PDE9A: variants seen among roughly 807,000 people sequenced by gnomAD.
PDE9A encodes the protein high affinity cGMP-specific 3',5'-cyclic phosphodiesterase 9A.
In PDE9A, 60 loss-of-function variants were observed where a neutral mutation model predicts 87.4. The ratio of observed to expected loss-of-function variants is 0.69; its 90% CI spans 0.56 to 0.85. The LOEUF is 0.85. Ranked by LOEUF, PDE9A falls within the 40% of genes least tolerant of loss-of-function variation. The probability of loss-of-function intolerance (pLI) is 0.00; values close to 1 mark genes in which losing one functional copy is unlikely to be tolerated. For synonymous variants in PDE9A, 272 were observed against 279.4 expected (o/e 0.97, Z 0.27); for missense variants, 665 against 779.0 (o/e 0.85, Z 1.74).
intron 1 of PDE9A, among the ~76,000 whole-genome samples, chr21:42,662,188 G>A (rs1243169199): frequency 6.6e-6 from 1 of 152,040 alleles, no homozygotes; most frequent in African/African-American, 2.4e-5. Flanking sequence ...TGGATTTAAG[G>A]CAGTCTAATC....
In PDE9A at chr21:42,668,565, G is replaced by A. The variant is rs376041535; in HGVS notation, c.69+14682G>A. ...ACACTTCCTGTTCTTTTGGTTCGTC[G>A]ATTTTTGCATTTTCAGTCCCCTGTG... On this transcript the variant is annotated intron_variant, in intron 1 of 19. Transcript: ENST00000291539. Among the ~76,000 whole-genome samples the A allele has an allele frequency of 2.6e-5, 4 of 152,114 alleles. No individual in the cohort carries two copies. The East Asian group carries it at 7.7e-4, about 29-fold the overall frequency.
intron 7 of PDE9A, among the ~76,000 whole-genome samples, chr21:42,742,723 C>A (rs1323178512): frequency 6.6e-6 from 1 of 152,100 alleles, no homozygotes; most frequent in Non-Finnish European, 1.5e-5. Flanking sequence ...CCTCAGCCTC[C>A]CAAAGTGCTG....
rs1555934793 is a variant in PDE9A at position 42,740,755 on chromosome 21, G to GATA, written c.569-3021_569-3020insATA. Reference sequence around the variant, plus strand: ...AGATAGATAGATAGATAGATAAACAGGATAGATAGATAGATAGATAGATAG... The same window carrying GATA: ...AGATAGATAGATAGATAGATAAACAGATAGATAGATAGATAGATAGATAGATAG... On this transcript the variant is annotated intron_variant, in intron 7 of 19. Transcript: ENST00000291539. 3.1e-3 allele frequency among the ~76,000 whole-genome samples: 432 copies of GATA among 139,998 alleles called. 2 individuals carry two copies. Among genetic ancestry groups the GATA allele is most frequent in the South Asian group, 4.8e-3 (20 of 4,184 alleles). 91.8% of individuals were successfully genotyped at this position (139,998 alleles called of 152,430 possible).
At chr21:42,730,277 C>T (rs193190369) in intron 4 of PDE9A, among the ~76,000 whole-genome samples, 51 of 152,288 alleles carry the variant, frequency 3.3e-4, no homozygotes, top group Middle Eastern at 3.4e-3. Flanking sequence ...GACATTTTTA[C>T]GCTTGTACCT....
chr21:42,675,579 C>T lies in PDE9A; in HGVS notation c.70-10613C>T, dbSNP rs993074796. On this transcript the variant is annotated intron_variant, in intron 1 of 19. Transcript: ENST00000291539. This position sits in a 1 kb window ranked among gnomAD's most constrained non-coding sequence, Gnocchi z 4.3. ...ATACCGCCAACCTGCTTTCCGACAGCGCTGTGTGGATACACGGGCCCGAAC... is the reference window on the plus strand; with the variant it reads ...ATACCGCCAACCTGCTTTCCGACAGTGCTGTGTGGATACACGGGCCCGAAC... Among the ~76,000 whole-genome samples, 4 of 152,252 alleles carry T rather than the reference C, an allele frequency of 2.6e-5. No individual in the cohort carries two copies. Among genetic ancestry groups the T allele is most frequent in the African/African-American group, 4.8e-5 (2 of 41,462 alleles).
intron 4 of PDE9A, among the ~76,000 whole-genome samples, chr21:42,730,495 A>G (rs1345505285): frequency 6.6e-6 from 1 of 152,160 alleles, no homozygotes; most frequent in Non-Finnish European, 1.5e-5. Context: ...AAAAAGGGGA[A>G]ATGCATAAGA....
chr21:42,668,058 C>T (rs1472026866), intron 1 of PDE9A, among the ~76,000 whole-genome samples: 1 of 152,158 alleles, frequency 6.6e-6, no homozygotes, highest in Non-Finnish European at 1.5e-5. Flanking sequence ...CCTGCCTCCC[C>T]GCTGGGGTGT....
At chr21:42,719,586 G>A (rs2050271510) in intron 4 of PDE9A, among the ~76,000 whole-genome samples, 1 of 150,686 alleles carries the variant, frequency 6.6e-6, no homozygotes. Context: ...GTTGCAGTGA[G>A]CCGAGATGGC....
chr21:42,671,863 A>ATTTCT (rs2058580162), intron 1 of PDE9A, among the ~76,000 whole-genome samples: 2 of 152,324 alleles, frequency 1.3e-5, no homozygotes, highest in Admixed American at 1.3e-4. Flanking sequence ...CAAAGATAGA[A>ATTTCT]ATGTGTGAAT....
In PDE9A at chr21:42,770,667, C is replaced by A. The variant is rs182328566; in HGVS notation, c.1591-36C>A. 2.4e-4 allele frequency: 367 copies of A among 1,522,192 alleles called. 1 individual carries two copies. In the African/African-American group the frequency reaches 4.7e-3, roughly 20 times the overall value. The allele number at this position is 1,522,192 out of a possible 1,614,324, so 94.3% of individuals were successfully genotyped here. ...CCGACGTTTCCCATTGCCTTAAGAA[C>A]GAGGGACTCTGAATAAATCCGTGTG... On this transcript the variant is annotated intron_variant, in intron 17 of 19. Coordinates refer to ENST00000291539, the MANE Select transcript of PDE9A (RefSeq NM_002606.3).
intron 8 of PDE9A, among the ~76,000 whole-genome samples, 171 bp downstream of exon 8, chr21:42,744,031 G>A (rs1327309170): frequency 6.6e-6 from 1 of 152,208 alleles, no homozygotes; most frequent in African/African-American, 2.4e-5. Context: ...CGACCTGCTT[G>A]TCAGTGGTGT....
chr21:42,744,958 G>A (rs2146917053), intron 8 of PDE9A, among the ~76,000 whole-genome samples: 1 of 152,316 alleles, frequency 6.6e-6, no homozygotes, highest in African/African-American at 2.4e-5. Flanking sequence ...GACACCACAG[G>A]CATATGATGT....
intron 13 of PDE9A, among the ~76,000 whole-genome samples, chr21:42,761,477 G>A (rs955130116): frequency 1.3e-5 from 2 of 152,228 alleles, no homozygotes; most frequent in Non-Finnish European, 2.9e-5. Flanking sequence ...CCCATGTGGC[G>A]GACAAGGTCC....
intron 1 of PDE9A, among the ~76,000 whole-genome samples, chr21:42,683,660 C>T (rs917720527): frequency 3.3e-5 from 5 of 152,214 alleles, no homozygotes; most frequent in African/African-American, 1.2e-4. Flanking sequence ...CACTTCCCTT[C>T]TGAGTAAAGT....
rs542647153 is a variant in PDE9A at position 42,695,132 on chromosome 21, G to A, written c.219-3836G>A. ...TAACCTGGAACACGTTTACATCATG[G>A]AAAATATGGAAAATAGGCTGATTGG... On this transcript the variant is annotated intron_variant, in intron 3 of 19. Transcript: ENST00000291539. The surrounding 1 kb of genome is among the most constrained non-coding windows in gnomAD (Gnocchi z 4.3). 1.3e-5 allele frequency among the ~76,000 whole-genome samples: 2 copies of A among 152,346 alleles called. No individual in the cohort carries two copies. Among genetic ancestry groups the A allele is most frequent in the East Asian group, 1.9e-4 (1 of 5,192 alleles).
chr21:42,757,350 A>T (rs1343499866), intron 10 of PDE9A: 5 of 152,000 alleles, frequency 3.3e-5, no homozygotes, highest in African/African-American at 1.2e-4. Context: ...ATGCCAGAGA[A>T]CCCTCCGCCT....
At chr21:42,735,727 G>A (rs377476853) in intron 7 of PDE9A, among the ~76,000 whole-genome samples, 9 of 152,142 alleles carry the variant, frequency 5.9e-5, no homozygotes, top group South Asian at 4.1e-4. Flanking sequence ...CTAAATCCAG[G>A]ATGGGCCCAT....
intron 10 of PDE9A, among the ~76,000 whole-genome samples, chr21:42,756,384 C>T (rs1276708355): frequency 2.6e-5 from 4 of 152,222 alleles, no homozygotes; most frequent in African/African-American, 7.2e-5. Context: ...CATGAGGCAC[C>T]TGGCACTCAG....
At chr21:42,706,012 G>A (rs1293002840) in intron 4 of PDE9A, among the ~76,000 whole-genome samples, 2 of 152,336 alleles carry the variant, frequency 1.3e-5, no homozygotes, top group East Asian at 1.9e-4. Flanking sequence ...AGGCGCATCC[G>A]CAGAGTGCGT....
Sources: gnomAD v4.1 joint callset for allele counts (sites outside exome capture counted in the v4.1 genomes callset) on GRCh38, gnomAD v4.1.1 for gene constraint, Gnocchi (gnomAD v3.1) non-coding constraint, MANE v1.5 for transcripts, NCBI Gene and HGNC (gene_info 2026-07-23, HGNC 2026-07-21) for gene names.